Variants in PPIG observed in about 807,000 individuals in gnomAD.
PPIG encodes the protein peptidyl-prolyl cis-trans isomerase G.
PPIG carries 26 observed loss-of-function variants against 87.9 expected under a neutral mutation model. The ratio of observed to expected loss-of-function variants is 0.30; its 90% CI spans 0.22 to 0.41. PPIG has a LOEUF of 0.41. Ranked by LOEUF, PPIG falls within the 10% of genes least tolerant of loss-of-function variation. The probability of loss-of-function intolerance (pLI) is 1.00; values close to 1 mark genes in which losing one functional copy is unlikely to be tolerated. For missense variants in PPIG, 722 were observed against 879.4 expected (o/e 0.82, Z 2.26); for synonymous variants, 308 against 276.5 (o/e 1.11, Z -1.13).
At chr2:169,595,782 T>A (rs1684999393) in intron 1 of PPIG, among the ~76,000 whole-genome samples, 1 of 152,218 alleles carries the variant, frequency 6.6e-6, no homozygotes, top group Admixed American at 6.5e-5. Flanking sequence ...GTTGTGTATA[T>A]GTATCACAGT....
At chr2:169,608,432 G>C (rs192479395) in intron 6 of PPIG, among the ~76,000 whole-genome samples, 5 of 151,968 alleles carry the variant, frequency 3.3e-5, no homozygotes, top group Admixed American at 3.3e-4. Flanking sequence ...GAGCTTAACA[G>C]TGAGCCGAGA....
rs1686252261 is a variant in PPIG, at chr2:169,638,967, A to G, written c.*1444A>G. 6.6e-6 allele frequency: 1 copy of G among 152,028 alleles called. No homozygotes were observed. Among genetic ancestry groups the G allele is most frequent in the Non-Finnish European group, 1.5e-5 (1 of 67,918 alleles). The allele number at this position is 152,028 out of a possible 1,614,324, so 9.4% of individuals were successfully genotyped here. On this transcript the variant is annotated 3_prime_UTR_variant, in exon 14 of 14. Coordinates refer to ENST00000260970, the MANE Select transcript of PPIG (RefSeq NM_004792.3). The stretch of plus-strand genomic sequence containing the variant: ...GTAGTGTCAACTCTGTTACCAAGGT[A>G]GCTTCTTGGTAAATCCAGTAGCTAC...
intron 1 of PPIG, among the ~76,000 whole-genome samples, chr2:169,598,057 A>G (rs1259377457): frequency 6.8e-6 from 1 of 147,506 alleles, no homozygotes; most frequent in Non-Finnish European, 1.5e-5. Flanking sequence ...CTGGAGTGCC[A>G]TGGCACAATC....
chr2:169,589,854 A>G (rs1289911768), intron 1 of PPIG, among the ~76,000 whole-genome samples: 1 of 152,192 alleles, frequency 6.6e-6, no homozygotes, highest in Non-Finnish European at 1.5e-5. Context: ...CCATGCCTGT[A>G]ATCCCAACAC....
At chr2:169,615,282 T>C (rs1014667905) in intron 9 of PPIG, among the ~76,000 whole-genome samples, 1 of 152,120 alleles carries the variant, frequency 6.6e-6, no homozygotes, top group Non-Finnish European at 1.5e-5. Context: ...CTCCTGACTT[T>C]GTGATCCGCC....
At chr2:169,630,018 T>A (rs1467423059) in intron 9 of PPIG, among the ~76,000 whole-genome samples, 1 of 152,160 alleles carries the variant, frequency 6.6e-6, no homozygotes, top group African/African-American at 2.4e-5. Flanking sequence ...TCCACCATGA[T>A]TTGAATGAGT....
chr2:169,633,497 C>T (rs1336246000), intron 12 of PPIG: 2 of 531,380 alleles, frequency 3.8e-6, no homozygotes, highest in Non-Finnish European at 6.5e-6. Context: ...TTCTTGTCTC[C>T]CGTGTTTCTT....
chr2:169,604,227 C>G lies in PPIG; in HGVS notation c.102C>G (p.Pro34=), dbSNP rs771488937. ...TTGAATTATTTTCTGATGTGTGCCC[C>G]AAAACATGCGAGAACTTTCGTTGTC... The part of the protein sequence containing the change: ...VVFELFSDVC[P]KTCENFRCLC... Residue 34 remains proline, a synonymous_variant, in exon 4 of 14, where the codon CCC becomes CCG. Coordinates refer to ENST00000260970, the MANE Select transcript of PPIG (RefSeq NM_004792.3). 6.2e-7 allele frequency: 1 copy of G among 1,611,598 alleles called. No homozygotes were observed. Among genetic ancestry groups the G allele is most frequent in the African/African-American group, 1.3e-5 (1 of 74,676 alleles).
intron 9 of PPIG, among the ~76,000 whole-genome samples, chr2:169,615,128 A>C (rs1685579134): frequency 6.6e-6 from 1 of 151,994 alleles, no homozygotes; most frequent in South Asian, 2.1e-4. Flanking sequence ...GGCTCACTGC[A>C]ACCTCCGTCT....
At chr2:169,586,190 G>A (rs992662063) in intron 1 of PPIG, among the ~76,000 whole-genome samples, 1 of 152,118 alleles carries the variant, frequency 6.6e-6, no homozygotes, top group East Asian at 1.9e-4. Flanking sequence ...AATTATTGAT[G>A]CTCTGAGATC....
In PPIG at chr2:169,638,576, A is replaced by C. The variant is rs1002165729; in HGVS notation, c.*1053A>C. On this transcript the variant is annotated 3_prime_UTR_variant, in exon 14 of 14. Transcript: ENST00000260970. ...AATGGCAAGAAAATGCATCTTTTCT[A>C]TATATGTATCACGATAGGCTATAGC... is the stretch of plus-strand genomic sequence containing the variant. 6.6e-6 allele frequency: 1 copy of C among 152,028 alleles called. No homozygotes were observed. The highest frequency in any genetic ancestry group is 6.6e-5 in the Admixed American group (1 of 15,260). 9.4% of individuals were successfully genotyped at this position (152,028 alleles called of 1,614,324 possible).
intron 7 of PPIG, among the ~76,000 whole-genome samples, chr2:169,610,938 G>A (rs1472884943): frequency 6.6e-6 from 1 of 152,192 alleles, no homozygotes; most frequent in African/African-American, 2.4e-5. Context: ...GGGTGCAGTG[G>A]CTCATGCCTG....
Position 169,630,888 on chromosome 2 carries a change from G to C in PPIG, c.662G>C (p.Ser221Thr), listed in dbSNP as rs750948051. Residue 221 changes from serine to threonine, a missense_variant, in exon 10 of 14, where the codon AGT becomes ACT. Around this residue, in one of 4 missense-constraint regions of PPIG, gnomAD observed 142 missense variants for 152.8 expected, o/e 0.93. Coordinates refer to ENST00000260970, the MANE Select transcript of PPIG (RefSeq NM_004792.3). The stretch of plus-strand genomic sequence containing the variant: ...TCTTCTGATTCCTCTGATTCCGAAA[G>C]TGCTACTGAAGAGAAATCAAAGAAA... ...QSSSDSSDSESATEEKSKKRK... is the reference protein window; with the variant it reads ...QSSSDSSDSETATEEKSKKRK... 4 of 1,611,832 alleles carry C rather than the reference G, an allele frequency of 2.5e-6. No homozygotes were observed. The Admixed American group carries it at 5.0e-5, about 20-fold the overall frequency.
intron 1 of PPIG, among the ~76,000 whole-genome samples, chr2:169,598,971 T>C (rs1685102315): frequency 6.6e-6 from 1 of 151,720 alleles, no homozygotes; most frequent in Admixed American, 6.6e-5. Context: ...TTATGGACAT[T>C]TAGGTTTACA....
chr2:169,598,000 C>CA (rs2105479571), intron 1 of PPIG, among the ~76,000 whole-genome samples: 1 of 134,230 alleles, frequency 7.4e-6, no homozygotes, highest in East Asian at 2.5e-4. Flanking sequence ...CATGCCTGGG[C>CA]AACCTTTTTT....
chr2:169,603,815 C>A, intron 2 of PPIG, 121 bp downstream of exon 2: 1 of 555,188 alleles, frequency 1.8e-6, no homozygotes, highest in East Asian at 3.0e-5. Context: ...TAAGGCTTAA[C>A]TTTCAAGTCT....
chr2:169,599,029 T>C (rs756584672), intron 1 of PPIG, among the ~76,000 whole-genome samples: 7 of 152,022 alleles, frequency 4.6e-5, no homozygotes, highest in Non-Finnish European at 8.8e-5. Flanking sequence ...CTTGCACATA[T>C]CTTATTTTGC....
chr2:169,610,226 C>A (rs1685449280), intron 7 of PPIG, among the ~76,000 whole-genome samples: 1 of 152,194 alleles, frequency 6.6e-6, no homozygotes. Flanking sequence ...TTCAACATTT[C>A]TGTTCTTTAT....
chr2:169,587,814 A>G (rs1002487724), intron 1 of PPIG, among the ~76,000 whole-genome samples: 20 of 152,332 alleles, frequency 1.3e-4, no homozygotes, highest in African/African-American at 4.6e-4. Flanking sequence ...ATTTGATTAT[A>G]TAACACTTAT....
Sources: gnomAD v4.1 joint callset for allele counts (sites outside exome capture counted in the v4.1 genomes callset) on GRCh38, gnomAD v4.1.1 for gene constraint, gnomAD v4.1.1 regional missense constraint, MANE v1.5 for transcripts, NCBI Gene and HGNC (gene_info 2026-07-23, HGNC 2026-07-21) for gene names.